The following ELL variants were observed in gnomAD, a reference collection of about 807,000 sequenced individuals.
ELL encodes the protein RNA polymerase II elongation factor ELL.
ELL carries 18 observed loss-of-function variants against 64.0 expected under a neutral mutation model. That is an observed-to-expected ratio of 0.28 (90% confidence interval 0.19 to 0.42). ELL has a LOEUF of 0.42. Ranked by LOEUF, ELL falls within the 10% of genes least tolerant of loss-of-function variation. ELL has a pLI of 1.00. For missense variants in ELL, 797 were observed against 870.4 expected (o/e 0.92, Z 1.06); for synonymous variants, 399 against 376.2 (o/e 1.06, Z -0.70).
At chr19:18,497,358 C>T (rs1005227423) in intron 1 of ELL, among the ~76,000 whole-genome samples, 2 of 152,044 alleles carry the variant, frequency 1.3e-5, no homozygotes, top group Non-Finnish European at 2.9e-5. Context: ...TGGATGCCAG[C>T]GGGCAGAGGG....
rs142309735 is a variant in ELL at position 18,455,122 on chromosome 19, T to C, written c.869+3083A>G. Reference sequence around the variant, plus strand: ...CGCCACTGCACTCCAGGTTGGGCGATAGGGTGAGAGTCCCTCTCCAAAAAA... The same window carrying C: ...CGCCACTGCACTCCAGGTTGGGCGACAGGGTGAGAGTCCCTCTCCAAAAAA... On this transcript the variant is annotated intron_variant, in intron 6 of 11. Coordinates refer to ENST00000262809, the MANE Select transcript of ELL (RefSeq NM_006532.4). Among the ~76,000 whole-genome samples the C allele has an allele frequency of 9.4e-3, 1,212 of 128,326 alleles. 20 individuals are homozygous for C. The highest frequency in any genetic ancestry group is 0.035 in the African/African-American group (1,166 of 33,082). 84.2% of individuals were successfully genotyped at this position (128,326 alleles called of 152,430 possible). A position where few individuals can be genotyped will look rare whatever the true frequency, so the allele number is the denominator to read the frequency against.
At chr19:18,482,543 G>T (rs1437637359) in intron 1 of ELL, among the ~76,000 whole-genome samples, 1 of 151,632 alleles carries the variant, frequency 6.6e-6, no homozygotes, top group African/African-American at 2.4e-5. Context: ...TCACCATGTT[G>T]GCCAGGCTGA....
intron 1 of ELL, among the ~76,000 whole-genome samples, chr19:18,474,442 C>A (rs546410972): frequency 7.9e-5 from 12 of 152,338 alleles, no homozygotes; most frequent in Non-Finnish European, 1.5e-4. Flanking sequence ...TAGGGGAGAA[C>A]AGAGGGATGG....
At chr19:18,490,917 C>T (rs1250708958) in intron 1 of ELL, among the ~76,000 whole-genome samples, 5 of 152,210 alleles carry the variant, frequency 3.3e-5, no homozygotes, top group South Asian at 2.1e-4. Context: ...ATGCTCACCA[C>T]CGGCAGCAGG....
At chr19:18,478,245 T>A (rs549504089) in intron 1 of ELL, among the ~76,000 whole-genome samples, 2 of 152,264 alleles carry the variant, frequency 1.3e-5, no homozygotes, top group Admixed American at 1.3e-4. Flanking sequence ...CGTTACCTCA[T>A]CTATGAAGCA....
intron 1 of ELL, among the ~76,000 whole-genome samples, chr19:18,497,815 CAAAAA>C (rs58521941): frequency 1.8e-5 from 1 of 54,212 alleles, no homozygotes; most frequent in Non-Finnish European, 3.5e-5. Flanking sequence ...GATCTCATCT[CAAAAA>C]AAAAAAAAAA....
At chr19:18,515,908 G>C (rs1180430424) in intron 1 of ELL, among the ~76,000 whole-genome samples, 1 of 152,146 alleles carries the variant, frequency 6.6e-6, no homozygotes, top group Non-Finnish European at 1.5e-5. Context: ...GTCGTGAAGG[G>C]GGACCATAAA....
At chr19:18,456,457 C>T (rs1974676731) in intron 6 of ELL, among the ~76,000 whole-genome samples, 1 of 152,214 alleles carries the variant, frequency 6.6e-6, no homozygotes, top group African/African-American at 2.4e-5. Flanking sequence ...CCTCCTGGAG[C>T]CCTGTCCTCA....
chr19:18,513,765 A>G (rs1056265960), intron 1 of ELL, among the ~76,000 whole-genome samples: 6 of 151,990 alleles, frequency 3.9e-5, no homozygotes, highest in Admixed American at 3.9e-4. Context: ...CCCTGTCTCT[A>G]CTAAAAACAC....
intron 6 of ELL, among the ~76,000 whole-genome samples, chr19:18,454,840 C>CAAAAAAAAAAAAAAAAAGAAAAAAAAAA (rs1974622130): frequency 1.8e-5 from 1 of 56,512 alleles, no homozygotes; most frequent in Admixed American, 2.2e-4. Flanking sequence ...GACTCAGTCT[C>CAAAAAAAAAAAAAAAAAGAAAAAAAAAA]AAAAAAAAAA....
At chr19:18,492,970 G>A (rs1660154065) in intron 1 of ELL, among the ~76,000 whole-genome samples, 1 of 152,004 alleles carries the variant, frequency 6.6e-6, no homozygotes, top group Non-Finnish European at 1.5e-5. Context: ...CCCTCCAAAT[G>A]AAAAGCCATT....
intron 1 of ELL, among the ~76,000 whole-genome samples, chr19:18,477,895 T>G (rs1975212942): frequency 2.6e-5 from 4 of 152,126 alleles, no homozygotes; most frequent in Admixed American, 1.3e-4. Flanking sequence ...AGGCATAAAT[T>G]ACGGTAGTGA....
chr19:18,508,139 G>A (rs922127202), intron 1 of ELL, among the ~76,000 whole-genome samples: 4 of 152,164 alleles, frequency 2.6e-5, no homozygotes, highest in Non-Finnish European at 5.9e-5. Flanking sequence ...AACATTTTGA[G>A]TTTGCATGAG....
chr19:18,487,573 G>A (rs1975446879), intron 1 of ELL, among the ~76,000 whole-genome samples: 1 of 152,350 alleles, frequency 6.6e-6, no homozygotes, highest in African/African-American at 2.4e-5. Flanking sequence ...CGGCCAGGCT[G>A]CACTAGCCCC....
At chr19:18,486,843 T>C (rs1340454708) in intron 1 of ELL, among the ~76,000 whole-genome samples, 1 of 152,184 alleles carries the variant, frequency 6.6e-6, no homozygotes, top group Non-Finnish European at 1.5e-5. Context: ...TTAGGTCCCC[T>C]TCCCAGTTTG....
chr19:18,483,393 G>A (rs1487622409), intron 1 of ELL, among the ~76,000 whole-genome samples: 3 of 152,208 alleles, frequency 2.0e-5, no homozygotes, highest in African/African-American at 7.2e-5. Context: ...TGTCTCATGG[G>A]AAGCCCCTCA....
intron 2 of ELL, among the ~76,000 whole-genome samples, chr19:18,469,094 G>C (rs1322091959): frequency 6.6e-6 from 1 of 152,194 alleles, no homozygotes; most frequent in Non-Finnish European, 1.5e-5. Context: ...GGGGAGTAGG[G>C]GCTGCATGAA....
At chr19:18,491,037 C>T (rs1975521868) in intron 1 of ELL, among the ~76,000 whole-genome samples, 1 of 152,122 alleles carries the variant, frequency 6.6e-6, no homozygotes. Context: ...CTAGATGTTG[C>T]CATGAAGGTA....
chr19:18,497,392 G>A (rs576658333), intron 1 of ELL, among the ~76,000 whole-genome samples: 1 of 152,194 alleles, frequency 6.6e-6, no homozygotes, highest in Non-Finnish European at 1.5e-5. Flanking sequence ...AGTAGGTAGA[G>A]CTTGGAGGAT....
Sources: allele counts gnomAD v4.1 joint callset (sites outside exome capture counted in the v4.1 genomes callset), GRCh38; gene constraint gnomAD v4.1.1; transcripts MANE v1.5; gene names NCBI Gene and HGNC (gene_info 2026-07-23, HGNC 2026-07-21).